The following FSTL4 variants were observed in gnomAD, a reference collection of about 807,000 sequenced individuals.
FSTL4 encodes the protein follistatin like 4, also known as follistatin-related protein 4.
A neutral mutation model predicts 78.2 loss-of-function variants in FSTL4; 28 were observed. The observed-to-expected ratio is 0.36, with a 90% confidence interval of 0.27 to 0.49. The LOEUF (loss-of-function observed/expected upper bound fraction) is 0.49. Ranked by LOEUF, FSTL4 falls within the 20% of genes least tolerant of loss-of-function variation. The probability of loss-of-function intolerance (pLI) is 0.98; values close to 1 mark genes in which losing one functional copy is unlikely to be tolerated. For synonymous variants in FSTL4, 422 were observed against 440.5 expected (o/e 0.96, Z 0.53); for missense variants, 922 against 1,084.9 (o/e 0.85, Z 2.11).
chr5:133,707,032 G>A, the FSTL4 span, among the ~76,000 whole-genome samples: 61 of 152,188 alleles, frequency 4.0e-4, 1 homozygote, highest in African/African-American at 1.2e-3. Context: ...TTTTATCAGG[G>A]GCTAAGCATC....
the FSTL4 span, among the ~76,000 whole-genome samples, chr5:133,658,469 C>A: frequency 1.3e-5 from 2 of 152,034 alleles, no homozygotes; most frequent in African/African-American, 4.8e-5. Context: ...ATACTAAGAT[C>A]TTTTCCAGAA....
At chr5:133,603,330 T>G (rs1221597531) in intron 2 of FSTL4, among the ~76,000 whole-genome samples, 1 of 152,162 alleles carries the variant, frequency 6.6e-6, no homozygotes, top group East Asian at 1.9e-4. Context: ...TTCAAGCACT[T>G]TAGAAGCATT....
the FSTL4 span, among the ~76,000 whole-genome samples, chr5:133,835,761 T>C: frequency 6.6e-6 from 1 of 152,148 alleles, no homozygotes; most frequent in Non-Finnish European, 1.5e-5. Context: ...AAGAAAAAAA[T>C]ATATGGGAGA....
At chr5:133,552,553 G>A (rs959957898) in intron 3 of FSTL4, among the ~76,000 whole-genome samples, 1 of 152,082 alleles carries the variant, frequency 6.6e-6, no homozygotes, top group African/African-American at 2.4e-5. Flanking sequence ...ATTTTCAAAC[G>A]ATGGCAACTC....
chr5:133,396,378 C>T (rs1047181286), intron 4 of FSTL4, among the ~76,000 whole-genome samples: 1 of 152,252 alleles, frequency 6.6e-6, no homozygotes, highest in Non-Finnish European at 1.5e-5. Context: ...CGTGCCAAAG[C>T]AGTGCCCTTG....
Position 133,567,239 on chromosome 5 carries a change from T to G in FSTL4, c.127-20A>C. On this transcript the variant is annotated intron_variant, in intron 2 of 15. Transcript: ENST00000265342. ...GGGCTCCTGCAAGAAAAGAAAGACT[T>G]TGTGTTTTCTGAAGAATAATTCATA... 1 of 1,590,494 alleles carries G rather than the reference T, an allele frequency of 6.3e-7. No individual in the cohort carries two copies. The highest frequency in any genetic ancestry group is 8.6e-7 in the Non-Finnish European group (1 of 1,158,630).
the FSTL4 span, among the ~76,000 whole-genome samples, chr5:133,665,810 C>T: frequency 6.6e-6 from 1 of 152,218 alleles, no homozygotes. Context: ...AATCTGAAAG[C>T]ACCTAACCAT....
chr5:133,344,484 T>A (rs923763861), intron 4 of FSTL4, among the ~76,000 whole-genome samples: 5 of 152,212 alleles, frequency 3.3e-5, no homozygotes, highest in African/African-American at 1.2e-4. Context: ...TCAGCCCAGG[T>A]GACTCACCTG....
chr5:133,255,425 A>G (rs868335924), intron 6 of FSTL4, among the ~76,000 whole-genome samples: 1 of 152,232 alleles, frequency 6.6e-6, no homozygotes, highest in Non-Finnish European at 1.5e-5. Context: ...AGGGCTTCCC[A>G]TGATATCCCC....
chr5:133,632,329 T>G, the FSTL4 span, among the ~76,000 whole-genome samples: 1 of 152,220 alleles, frequency 6.6e-6, no homozygotes, highest in Admixed American at 6.5e-5. Flanking sequence ...TTATAATTTT[T>G]GCTTCAAATA....
chr5:133,710,507 A>G, the FSTL4 span, among the ~76,000 whole-genome samples: 1 of 152,142 alleles, frequency 6.6e-6, no homozygotes, highest in Admixed American at 6.5e-5. Context: ...AAATCCTCAG[A>G]TGCATGCACC....
chr5:133,517,242 G>A (rs1410963144), intron 3 of FSTL4, among the ~76,000 whole-genome samples: 1 of 150,690 alleles, frequency 6.6e-6, no homozygotes, highest in Non-Finnish European at 1.5e-5. Flanking sequence ...GGCCAACATG[G>A]TGAAACCTGT....
intron 4 of FSTL4, among the ~76,000 whole-genome samples, chr5:133,365,215 A>G (rs988919536): frequency 6.6e-6 from 1 of 151,884 alleles, no homozygotes; most frequent in Non-Finnish European, 1.5e-5. Context: ...AAGGCTGGTC[A>G]TGGCAAAAGT....
intron 7 of FSTL4, among the ~76,000 whole-genome samples, chr5:133,240,539 T>A (rs888031757): frequency 6.6e-5 from 10 of 152,148 alleles, no homozygotes; most frequent in Non-Finnish European, 1.0e-4. Context: ...GAAGCCACTG[T>A]GGGGAGAGCA....
rs564134153 is a variant in FSTL4 at position 133,228,441 on chromosome 5, T to C, written c.1016-2622A>G. On this transcript the variant is annotated intron_variant, in intron 8 of 15. Coordinates refer to ENST00000265342, the MANE Select transcript of FSTL4 (RefSeq NM_015082.2). Reference sequence around the variant, plus strand: ...ATTACATCATGAAGGTAGCATAACCTGGACACCAAAACCTGGCAGAGAATG... The same window carrying C: ...ATTACATCATGAAGGTAGCATAACCCGGACACCAAAACCTGGCAGAGAATG... Among the ~76,000 whole-genome samples the C allele has an allele frequency of 5.9e-5, 9 of 152,292 alleles. No individual in the cohort carries two copies. The East Asian group carries it at 1.7e-3, about 29-fold the overall frequency.
chr5:133,709,909 A>G, the FSTL4 span, among the ~76,000 whole-genome samples: 1 of 152,226 alleles, frequency 6.6e-6, no homozygotes, highest in African/African-American at 2.4e-5. Context: ...AACTTGCAGA[A>G]GCCCAATATG....
the FSTL4 span, among the ~76,000 whole-genome samples, chr5:133,721,859 A>C: frequency 1.3e-5 from 2 of 152,116 alleles, no homozygotes; most frequent in Admixed American, 1.3e-4. Flanking sequence ...TATTTTATTA[A>C]ATAAGTTTTG....
chr5:133,431,984 T>C (rs965189445), intron 3 of FSTL4, among the ~76,000 whole-genome samples: 12 of 152,216 alleles, frequency 7.9e-5, no homozygotes, highest in African/African-American at 1.9e-4. Context: ...TACCCAAGGG[T>C]AGACACAAAT....
chr5:133,713,800 C>T, the FSTL4 span, among the ~76,000 whole-genome samples: 1 of 152,180 alleles, frequency 6.6e-6, no homozygotes, highest in African/African-American at 2.4e-5. Context: ...GATGGGATAG[C>T]TCATTTTCTT....
Sources: gnomAD v4.1 joint callset for allele counts (sites outside exome capture counted in the v4.1 genomes callset) on GRCh38, gnomAD v4.1.1 for gene constraint, MANE v1.5 for transcripts, NCBI Gene and HGNC (gene_info 2026-07-23, HGNC 2026-07-21) for gene names.